The following KIAA0825 variants were observed in gnomAD, a reference collection of about 807,000 sequenced individuals.
The protein encoded by KIAA0825 is uncharacterized protein KIAA0825.
Under a neutral mutation model 147.6 loss-of-function variants are expected in KIAA0825, and 119 were observed. The observed-to-expected ratio is 0.81, with a 90% CI of 0.69 to 0.94. The LOEUF (loss-of-function observed/expected upper bound fraction) is 0.94, where lower values mean the gene tolerates loss of function less well. Ranked by LOEUF, KIAA0825 falls within the 40% of genes least tolerant of loss-of-function variation. The pLI is 0.00. For missense variants in KIAA0825, 1,381 were observed against 1,472.7 expected, an observed-to-expected ratio of 0.94 and a Z score of 1.02; for synonymous variants, 470 against 518.1, an observed-to-expected ratio of 0.91 and a Z score of 1.26.
At chr5:94,380,670 AG>A (rs1325993082) in intron 20 of KIAA0825, among the ~76,000 whole-genome samples, 2 of 152,256 alleles carry the variant, frequency 1.3e-5, no homozygotes, top group African/African-American at 4.8e-5. Flanking sequence ...TCTCCTCAGG[AG>A]GTAACATTTG....
chr5:94,453,295 C>G (rs894522921), intron 12 of KIAA0825, among the ~76,000 whole-genome samples: 1 of 151,844 alleles, frequency 6.6e-6, no homozygotes, highest in Non-Finnish European at 1.5e-5. Flanking sequence ...GCTTCAGCCT[C>G]CCTAGTAGCT....
intron 14 of KIAA0825, among the ~76,000 whole-genome samples, chr5:94,436,636 G>T (rs1756408789): frequency 6.6e-6 from 1 of 152,054 alleles, no homozygotes; most frequent in South Asian, 2.1e-4. Context: ...AATTAAAATA[G>T]TTTTTTTCTA....
chr5:94,542,101 G>A (rs1773440646), intron 2 of KIAA0825, among the ~76,000 whole-genome samples: 3 of 152,186 alleles, frequency 2.0e-5, no homozygotes, highest in Admixed American at 2.0e-4. Flanking sequence ...TTTAGTAGGT[G>A]ATTTATGATC....
At chr5:94,398,771 C>T (rs1286538894) in intron 16 of KIAA0825, among the ~76,000 whole-genome samples, 1 of 152,066 alleles carries the variant, frequency 6.6e-6, no homozygotes, top group African/African-American at 2.4e-5. Flanking sequence ...GGAATTTGAA[C>T]ATTAAAACTG....
chr5:94,487,070 A>C (rs187797375), intron 5 of KIAA0825, among the ~76,000 whole-genome samples: 5 of 152,300 alleles, frequency 3.3e-5, no homozygotes, highest in African/African-American at 1.2e-4. Flanking sequence ...ATTATATAAG[A>C]GTGCTTGCTA....
chr5:94,473,316 C>T lies in KIAA0825; in HGVS notation c.1431G>A (p.Glu477=). 6.4e-7 allele frequency: 1 copy of T among 1,551,710 alleles called. No individual in the cohort carries two copies. The highest frequency in any genetic ancestry group is 8.7e-7 in the Non-Finnish European group (1 of 1,146,950). ...CTTTTCCAATTTTCTTTGGTTGTTC[C>T]TCCTCAGGAAACATATGGCTGTCTT... ...VWQDSHMFPE[E]EQPKKIGKFC... The change falls in exon 8 of 21, where the codon GAG becomes GAA. Residue 477 remains glutamate (E), a synonymous_variant. Transcript: ENST00000682413.
At chr5:94,215,324 T>C (rs748646660) in intron 20 of KIAA0825, among the ~76,000 whole-genome samples, 3 of 152,144 alleles carry the variant, frequency 2.0e-5, no homozygotes, top group Admixed American at 6.6e-5. Context: ...GGCAGGTACG[T>C]TGCACATAGG....
chr5:94,255,906 G>A (rs543249902), intron 20 of KIAA0825, among the ~76,000 whole-genome samples: 68 of 151,400 alleles, frequency 4.5e-4, no homozygotes, highest in African/African-American at 1.6e-3. Context: ...TAGAGACGAG[G>A]TCTCATTATC....
intron 14 of KIAA0825, among the ~76,000 whole-genome samples, chr5:94,428,165 G>A (rs1216461165): frequency 6.6e-6 from 1 of 150,532 alleles, no homozygotes; most frequent in Non-Finnish European, 1.5e-5. Context: ...GTGTGTGTGT[G>A]TGTGTGTGTG....
intron 2 of KIAA0825, among the ~76,000 whole-genome samples, chr5:94,547,197 A>G (rs978654049): frequency 1.2e-4 from 18 of 152,074 alleles, no homozygotes; most frequent in African/African-American, 3.9e-4. Context: ...ATAAAAAATA[A>G]TGAAGCAGGC....
At chr5:94,383,127 C>T (rs1226633262) in intron 20 of KIAA0825, among the ~76,000 whole-genome samples, 1 of 152,152 alleles carries the variant, frequency 6.6e-6, no homozygotes, top group Non-Finnish European at 1.5e-5. Flanking sequence ...CACCTGGTGA[C>T]TTGTGTATGA....
rs533600069 is a variant in KIAA0825, at chr5:94,403,581, C to T, written c.2875G>A (p.Glu959Lys). 6.4e-7 allele frequency: 1 copy of T among 1,551,246 alleles called. No homozygotes were observed. The highest frequency in any genetic ancestry group is 8.7e-7 in the Non-Finnish European group (1 of 1,146,724). Reference protein sequence around the residue: ...NYSPKETNRKESCKSFTRLTA... With the variant: ...NYSPKETNRKKSCKSFTRLTA... ...CAAGTGTACTTACTTTTGCATGATTCTTTCCTGTTAGTTTCTTTTGGACTA... is the reference window on the plus strand; with the variant it reads ...CAAGTGTACTTACTTTTGCATGATTTTTTCCTGTTAGTTTCTTTTGGACTA... Residue 959 changes from glutamate to lysine, a missense_variant, in exon 16 of 21, where the codon GAA becomes AAA. Transcript: ENST00000682413.
At position 94,304,419 on chromosome 5, in the gene KIAA0825, G is replaced by T. The variant is rs547101122; in HGVS notation, c.3710+79949C>A. On this transcript the variant is annotated intron_variant, in intron 20 of 20. Coordinates refer to ENST00000682413, the MANE Select transcript of KIAA0825 (RefSeq NM_001145678.3). ...GGAATAATACGGCAGGTGAGGGGGG[G>T]TGACCCGTATCAACTAGAGAAGAGG... is the stretch of plus-strand genomic sequence containing the variant. 1.3e-5 allele frequency among the ~76,000 whole-genome samples: 2 copies of T among 152,148 alleles called. 1 individual carries two copies. Among genetic ancestry groups the T allele is most frequent in the South Asian group, 4.1e-4 (2 of 4,826 alleles).
At chr5:94,495,614 C>T (rs1764264413) in intron 5 of KIAA0825, among the ~76,000 whole-genome samples, 1 of 152,202 alleles carries the variant, frequency 6.6e-6, no homozygotes, top group African/African-American at 2.4e-5. Flanking sequence ...ACCATCAGCT[C>T]CTGTGGCCAT....
chr5:94,202,110 A>G (rs1189270312), intron 20 of KIAA0825, among the ~76,000 whole-genome samples: 1 of 152,244 alleles, frequency 6.6e-6, no homozygotes, highest in Non-Finnish European at 1.5e-5. Context: ...AAGTGCACAG[A>G]TGGACCTAGG....
intron 14 of KIAA0825, among the ~76,000 whole-genome samples, chr5:94,424,047 A>G (rs534301940): frequency 6.6e-6 from 1 of 152,276 alleles, no homozygotes; most frequent in African/African-American, 2.4e-5. Context: ...AACTTTTTTT[A>G]CACAGATAAT....
At chr5:94,539,487 C>T (rs1772831165) in intron 2 of KIAA0825, among the ~76,000 whole-genome samples, 1 of 152,126 alleles carries the variant, frequency 6.6e-6, no homozygotes, top group South Asian at 2.1e-4. Flanking sequence ...AATAAGGAAA[C>T]CCCCAACCCA....
rs533878409 is a variant in KIAA0825, at chr5:94,226,276, A to G, written c.3711-72152T>C. Among the ~76,000 whole-genome samples the G allele has an allele frequency of 2.2e-3, 342 of 152,296 alleles. 2 individuals are homozygous for G. Among genetic ancestry groups the G allele is most frequent in the African/African-American group, 8.1e-3 (337 of 41,562 alleles). On this transcript the variant is annotated intron_variant, in intron 20 of 20. Transcript: ENST00000682413. ...GACATATGAAAAAATGCTCATCATC[A>G]CTGGTCATCAGAGAAATGCAAATCA...
intron 2 of KIAA0825, among the ~76,000 whole-genome samples, chr5:94,554,711 G>T (rs1476145476): frequency 1.8e-5 from 2 of 113,926 alleles, no homozygotes; most frequent in South Asian, 2.8e-4. Context: ...GCATTGTTCT[G>T]TGTACTATAT....
Sources: allele counts gnomAD v4.1 joint callset (sites outside exome capture counted in the v4.1 genomes callset), GRCh38; gene constraint gnomAD v4.1.1; transcripts MANE v1.5; gene names NCBI Gene and HGNC (gene_info 2026-07-23, HGNC 2026-07-21).